Variants in AMZ1 observed in about 807,000 individuals in gnomAD.
AMZ1 encodes the protein archaelysin family metallopeptidase 1.
Under a neutral mutation model 29.9 loss-of-function variants are expected in AMZ1, and 39 were observed. The observed-to-expected ratio is 1.30, with a 90% confidence interval of 1.01 to 1.70. The LOEUF is 1.70. Ranked by LOEUF, AMZ1 falls within the 40% of genes most tolerant of loss-of-function variation. The pLI is 0.00. For missense variants in AMZ1, 1,041 were observed against 680.6 expected (o/e 1.53, Z -5.89); for synonymous variants, 458 against 304.0 (o/e 1.51, Z -5.27).
upstream of AMZ1, chr7:2,763,014 G>C (rs1163784662): frequency 2.3e-6 from 3 of 1,276,908 alleles, no homozygotes; most frequent in South Asian, 8.6e-5. Flanking sequence ...CAACAGCCCC[G>C]CCGGCCACTG....
chr7:2,745,036 C>T (rs1362639259), intron 4 of AMZ1, among the ~76,000 whole-genome samples: 2 of 152,216 alleles, frequency 1.3e-5, no homozygotes, highest in Non-Finnish European at 2.9e-5. Context: ...ACCAAATCTA[C>T]ATCTGATTGG....
At chr7:2,697,049 T>C (rs1282814767) in intron 1 of AMZ1, among the ~76,000 whole-genome samples, 3 of 152,234 alleles carry the variant, frequency 2.0e-5, no homozygotes, top group African/African-American at 4.8e-5. Context: ...CACAGACTTA[T>C]GTACAAAGAT....
intron 1 of AMZ1, among the ~76,000 whole-genome samples, chr7:2,689,161 G>A (rs999013588): frequency 5.3e-5 from 8 of 152,248 alleles, no homozygotes; most frequent in African/African-American, 1.9e-4. Flanking sequence ...CTAATGAATA[G>A]CTCGATGCAG....
intron 5 of AMZ1, 23 bp downstream of exon 5, chr7:2,709,267 G>A (rs58748470): frequency 2.9e-5 from 43 of 1,482,236 alleles, no homozygotes; most frequent in Non-Finnish European, 3.7e-5. Context: ...TCTGGGGCTG[G>A]TAAGAGGGGA....
At chr7:2,679,899 G>A (rs923029269) in intron 1 of AMZ1, among the ~76,000 whole-genome samples, 1 of 152,248 alleles carries the variant, frequency 6.6e-6, no homozygotes, top group Non-Finnish European at 1.5e-5. Context: ...GGCTTCATCC[G>A]AGTTGAGGAG....
At chr7:2,719,761 A>AC (rs1789340559), downstream of AMZ1, among the ~76,000 whole-genome samples, 1 of 151,366 alleles carries the variant, frequency 6.6e-6, no homozygotes, top group South Asian at 2.1e-4. Context: ...GCTCACTGCA[A>AC]CCTCTGCCTT....
At chr7:2,688,556 C>T (rs987008501) in intron 1 of AMZ1, among the ~76,000 whole-genome samples, 2 of 152,154 alleles carry the variant, frequency 1.3e-5, no homozygotes, top group Non-Finnish European at 2.9e-5. Context: ...CAGGGAAGGG[C>T]CACGCGCCCC....
In AMZ1 at chr7:2,700,288, C is replaced by A; in HGVS notation, c.-164C>A. 1 of 771,130 alleles carries A rather than the reference C, an allele frequency of 1.3e-6. No individual in the cohort carries two copies. The highest frequency in any genetic ancestry group is 2.0e-6 in the Non-Finnish European group (1 of 492,708). 47.8% of individuals were successfully genotyped at this position (771,130 alleles called of 1,614,324 possible). On this transcript the variant is annotated 5_prime_UTR_variant, in exon 2 of 7. In the 5' UTR this introduces an upstream ATG that the reference lacks. Transcript: ENST00000683327. ...TGAGAGCGTCCAGGACCAGGCAGAG[C>A]TGGGCCTTAAGGGCCCTTGGACCAG...
intron 1 of AMZ1, among the ~76,000 whole-genome samples, 188 bp downstream of exon 1, chr7:2,688,484 T>TGGTGC (rs1787185378): frequency 6.6e-6 from 1 of 152,024 alleles, no homozygotes; most frequent in South Asian, 2.1e-4. Flanking sequence ...GGCGAGGGTT[T>TGGTGC]GGTGCAGCGC....
chr7:2,700,360 G>T lies in AMZ1; in HGVS notation c.-92G>T, dbSNP rs577913323. 5.5e-6 allele frequency: 8 copies of T among 1,449,566 alleles called. No individual in the cohort carries two copies. In the South Asian group the frequency reaches 1.0e-4, roughly 19 times the overall value. The allele number at this position is 1,449,566 out of a possible 1,614,324, so 89.8% of individuals were successfully genotyped here. A position where few individuals can be genotyped will look rare whatever the true frequency, so the allele number is the denominator to read the frequency against. ...CGGTAGCCACTCGGATCAGCCCGAGGGAAGATTCTGGACGAGACCGTGGCC... is the reference window on the plus strand; with the variant it reads ...CGGTAGCCACTCGGATCAGCCCGAGTGAAGATTCTGGACGAGACCGTGGCC... On this transcript the variant is annotated 5_prime_UTR_variant, in exon 2 of 7. An upstream open reading frame in the 5' UTR gains an earlier in-frame stop. Transcript: ENST00000683327.
chr7:2,721,483 G>A (rs1346094486), downstream of AMZ1, among the ~76,000 whole-genome samples: 1 of 152,186 alleles, frequency 6.6e-6, no homozygotes, highest in Non-Finnish European at 1.5e-5. Flanking sequence ...TTGGGAGGCT[G>A]AGGTGGGTGG....
chr7:2,707,155 C>A (rs947296904), intron 3 of AMZ1, among the ~76,000 whole-genome samples: 2 of 152,040 alleles, frequency 1.3e-5, no homozygotes, highest in Admixed American at 6.6e-5. Context: ...TGCCTGTAAT[C>A]CCTGCTACTC....
At chr7:2,722,930 G>A (rs1789481643), downstream of AMZ1, among the ~76,000 whole-genome samples, 1 of 152,038 alleles carries the variant, frequency 6.6e-6, no homozygotes, top group South Asian at 2.1e-4. Flanking sequence ...GATGAGCTAT[G>A]ATCACACCAC....
At chr7:2,745,639 A>C (rs1441065786) in intron 4 of AMZ1, among the ~76,000 whole-genome samples, 1 of 152,244 alleles carries the variant, frequency 6.6e-6, no homozygotes, top group Non-Finnish European at 1.5e-5. Context: ...AGCTGACATC[A>C]TAATGACAGG....
intron 4 of AMZ1, among the ~76,000 whole-genome samples, chr7:2,740,487 C>G (rs1448047146): frequency 1.3e-5 from 2 of 152,276 alleles, no homozygotes; most frequent in African/African-American, 4.8e-5. Flanking sequence ...TGCTGCCACC[C>G]AGATCCTCAA....
intron 4 of AMZ1, among the ~76,000 whole-genome samples, chr7:2,759,101 T>C (rs867563898): frequency 9.3e-5 from 14 of 150,644 alleles, no homozygotes; most frequent in South Asian, 8.3e-4. Context: ...GATTACACCA[T>C]TGCACTCAGC....
intron 4 of AMZ1, chr7:2,733,571 T>C (rs958130207): frequency 9.7e-6 from 12 of 1,234,112 alleles, no homozygotes; most frequent in African/African-American, 1.5e-5. Flanking sequence ...ATACAAGAAC[T>C]GAACAGGGTA....
Position 2,712,394 on chromosome 7 carries a change from C to T in AMZ1, c.1013C>T (p.Ser338Leu), listed in dbSNP as rs1329895292. Residue 338 changes from serine to leucine, a missense_variant, in exon 7 of 7, where the codon TCA (serine) becomes TTA (leucine). Coordinates refer to ENST00000683327, the MANE Select transcript of AMZ1 (RefSeq NM_001384743.1). ...TWPSQEAGEP[S>L]VWEDTPPASA... is the part of the protein sequence containing the mutation. ...CCCAGCCAGGAGGCGGGGGAGCCGT[C>T]AGTGTGGGAGGACACCCCGCCTGCC... 5 of 1,610,532 alleles carry T rather than the reference C, an allele frequency of 3.1e-6. No homozygotes were observed. The highest frequency in any genetic ancestry group is 4.2e-6 in the Non-Finnish European group (5 of 1,178,872).
At chr7:2,723,115 T>C (rs952955221), downstream of AMZ1, among the ~76,000 whole-genome samples, 9 of 150,220 alleles carry the variant, frequency 6.0e-5, no homozygotes, top group African/African-American at 2.2e-4. Flanking sequence ...ATATGTGACT[T>C]GAGTACATTT....
Sources: gnomAD v4.1 joint callset for allele counts (sites outside exome capture counted in the v4.1 genomes callset) on GRCh38, gnomAD v4.1.1 for gene constraint, MANE v1.5 for transcripts, NCBI Gene and HGNC (gene_info 2026-07-23, HGNC 2026-07-21) for gene names.